The following RCBTB2 variants were observed in gnomAD, a reference collection of about 807,000 sequenced individuals.
RCBTB2 encodes RCC1 and BTB domain-containing protein 2.
In RCBTB2, 55 loss-of-function variants were observed where a neutral mutation model predicts 65.4. The ratio of observed to expected loss-of-function variants is 0.84; its 90% confidence interval spans 0.68 to 1.05. RCBTB2 has a LOEUF of 1.05. RCBTB2 is among the 50% of genes least tolerant of loss of function. RCBTB2 has a pLI of 0.00. For missense variants in RCBTB2, 599 were observed against 680.1 expected, an observed-to-expected ratio of 0.88 and a Z score of 1.33; for synonymous variants, 220 against 255.2, an observed-to-expected ratio of 0.86 and a Z score of 1.31.
At chr13:48,535,558 C>G, upstream of RCBTB2, 1 of 423,262 alleles carries the variant, frequency 2.4e-6, no homozygotes, top group Non-Finnish European at 4.8e-6. Flanking sequence ...GCTTGGCCCT[C>G]CTATTCATTC....
At chr13:48,512,282 C>A in intron 7 of RCBTB2, 108 bp from the exon 8 acceptor site, 1 of 912,692 alleles carries the variant, frequency 1.1e-6, no homozygotes, top group Non-Finnish European at 1.7e-6. Context: ...AAGTGCTTCA[C>A]ATTCATAAAT....
intron 14 of RCBTB2, among the ~76,000 whole-genome samples, chr13:48,493,737 T>A (rs1949850998): frequency 6.6e-6 from 1 of 152,144 alleles, no homozygotes; most frequent in Non-Finnish European, 1.5e-5. Flanking sequence ...CATCTCAGGA[T>A]GGCATTCCCT....
intron 1 of RCBTB2, among the ~76,000 whole-genome samples, chr13:48,527,605 G>T (rs1951879704): frequency 6.6e-6 from 1 of 151,926 alleles, no homozygotes; most frequent in Non-Finnish European, 1.5e-5. Flanking sequence ...ACACTCGGTG[G>T]CCAGTAGTTC....
At chr13:48,528,206 T>C (rs1366398131) in intron 1 of RCBTB2, among the ~76,000 whole-genome samples, 1 of 152,118 alleles carries the variant, frequency 6.6e-6, no homozygotes, top group African/African-American at 2.4e-5. Context: ...CCCAACCCAA[T>C]GGTAGGTTTT....
intron 10 of RCBTB2, among the ~76,000 whole-genome samples, chr13:48,508,413 T>G (rs938731299): frequency 7.4e-6 from 1 of 134,644 alleles, no homozygotes; most frequent in African/African-American, 3.2e-5. Flanking sequence ...TTCATCCATG[T>G]TTTTTTTTTT....
intron 1 of RCBTB2, among the ~76,000 whole-genome samples, chr13:48,530,075 T>C (rs1952023937): frequency 6.6e-6 from 1 of 151,996 alleles, no homozygotes; most frequent in Non-Finnish European, 1.5e-5. Flanking sequence ...TTTGTTCGTT[T>C]TTCTGTAGAG....
chr13:48,509,020 G>A (rs1950645882), intron 10 of RCBTB2, among the ~76,000 whole-genome samples: 1 of 152,130 alleles, frequency 6.6e-6, no homozygotes, highest in Admixed American at 6.5e-5. Context: ...CTGGGTAAGT[G>A]TAGGAGCACC....
chr13:48,521,749 A>G, intron 4 of RCBTB2, 149 bp downstream of exon 4: 2 of 727,616 alleles, frequency 2.7e-6, no homozygotes, highest in South Asian at 3.5e-5. Flanking sequence ...CACAACGATT[A>G]TCTGTTGGCA....
At chr13:48,518,616 AAC>A (rs1459663927) in intron 4 of RCBTB2, among the ~76,000 whole-genome samples, 2 of 151,310 alleles carry the variant, frequency 1.3e-5, no homozygotes, top group African/African-American at 4.8e-5. Context: ...GCAAGTGTAA[AAC>A]TATGTCCCCA....
chr13:48,490,637 A>AGC (rs1949658746), intron 14 of RCBTB2, among the ~76,000 whole-genome samples: 1 of 152,206 alleles, frequency 6.6e-6, no homozygotes, highest in Non-Finnish European at 1.5e-5. Context: ...TATTTATATC[A>AGC]GCGTCTTTAA....
At chr13:48,515,830 G>C (rs560951535) in intron 4 of RCBTB2, 89 bp from the exon 5 acceptor site, 31 of 1,295,426 alleles carry the variant, frequency 2.4e-5, no homozygotes, top group Non-Finnish European at 3.2e-5. Flanking sequence ...GCGAACACTG[G>C]TTTTGGGAGG....
At chr13:48,506,216 C>A (rs536756594) in intron 10 of RCBTB2, among the ~76,000 whole-genome samples, 1 of 152,304 alleles carries the variant, frequency 6.6e-6, no homozygotes, top group East Asian at 1.9e-4. Context: ...TCGTACAAGA[C>A]CTGACAGGGA....
chr13:48,507,321 T>C (rs947990562), intron 10 of RCBTB2, among the ~76,000 whole-genome samples: 1 of 152,248 alleles, frequency 6.6e-6, no homozygotes, highest in Non-Finnish European at 1.5e-5. Flanking sequence ...AAGGTCATCG[T>C]TGGTTTTTAA....
In RCBTB2 at chr13:48,504,589, T is replaced by G. The variant is rs9332035; in HGVS notation, c.927-1675A>C. The stretch of plus-strand genomic sequence containing the variant: ...ACCATTCCAGCCTGGCCCTGTTACT[T>G]TATGCATCCGTTTCACCTGTTCAGC... On this transcript the variant is annotated intron_variant, in intron 10 of 14. Coordinates refer to ENST00000344532, the MANE Select transcript of RCBTB2 (RefSeq NM_001268.4). 8.2e-3 allele frequency among the ~76,000 whole-genome samples: 1,251 copies of G among 152,312 alleles called. 14 individuals are homozygous for G. The highest frequency in any genetic ancestry group is 0.029 in the African/African-American group (1,194 of 41,566).
chr13:48,527,354 T>TC (rs1247199701), intron 1 of RCBTB2, among the ~76,000 whole-genome samples: 1,437 of 115,454 alleles, frequency 0.012, 94 homozygotes, highest in African/African-American at 0.075. Flanking sequence ...ATATATATGA[T>TC]ATATATTTAT....
Position 48,522,225 on chromosome 13 carries a change from G to C in RCBTB2, c.-24+83C>G, listed in dbSNP as rs925750365. The C allele has an allele frequency of 2.4e-4, 226 of 926,922 alleles. No individual in the cohort carries two copies. The East Asian group carries it at 5.9e-3, about 24-fold the overall frequency. The allele number at this position is 926,922 out of a possible 1,614,324, so 57.4% of individuals were successfully genotyped here. A position where few individuals can be genotyped will look rare whatever the true frequency, so the allele number is the denominator to read the frequency against. On this transcript the variant is annotated intron_variant, in intron 3 of 14. Transcript: ENST00000344532. ...AAAAGTAGTCTCAAAATTCACATGG[G>C]TCCTTAACTCTATAAAGGAAATCAG...
intron 10 of RCBTB2, 88 bp downstream of exon 10, chr13:48,510,541 C>A: frequency 7.3e-7 from 1 of 1,377,324 alleles, no homozygotes; most frequent in Non-Finnish European, 1.0e-6. Flanking sequence ...ACTAGCAGTA[C>A]ATTCCCCACC....
intron 1 of RCBTB2, among the ~76,000 whole-genome samples, chr13:48,531,646 G>GTATGCAAGAACGTA (rs1390225359): frequency 1.3e-5 from 2 of 152,198 alleles, no homozygotes; most frequent in Non-Finnish European, 2.9e-5. Context: ...TGGAAGTGGG[G>GTATGCAAGAACGTA]TATGCAAGAA....
chr13:48,500,363 G>A (rs1950179057), intron 12 of RCBTB2, among the ~76,000 whole-genome samples: 1 of 152,142 alleles, frequency 6.6e-6, no homozygotes, highest in Non-Finnish European at 1.5e-5. Flanking sequence ...TTTGAGACCA[G>A]CCTGGCCAAT....
Sources: allele counts gnomAD v4.1 joint callset (sites outside exome capture counted in the v4.1 genomes callset), GRCh38; gene constraint gnomAD v4.1.1; transcripts MANE v1.5; gene names NCBI Gene and HGNC (gene_info 2026-07-23, HGNC 2026-07-21).